Variants in ZNF600 observed in about 807,000 individuals in gnomAD.
ZNF600 encodes zinc finger protein KR-ZNF1.
In ZNF600, 4 loss-of-function variants were observed where a neutral mutation model predicts 7.3. The observed-to-expected ratio is 0.55, with a 90% CI of 0.27 to 1.25. The LOEUF (loss-of-function observed/expected upper bound fraction) is 1.25. Among genes scored for constraint, ZNF600 ranks in the 50% most tolerant of loss-of-function variants. The probability of loss-of-function intolerance (pLI) is 0.12; values close to 1 mark genes in which losing one functional copy is unlikely to be tolerated. For missense variants in ZNF600, 911 were observed against 922.1 expected (o/e 0.99, Z 0.16); for synonymous variants, 290 against 308.9 (o/e 0.94, Z 0.64).
At chr19:52,816,701 G>A in the ZNF600 span, among the ~76,000 whole-genome samples, 14 of 120,724 alleles carry the variant, frequency 1.2e-4, 1 homozygote, top group South Asian at 2.3e-3. Context: ...GGATGGTGGC[G>A]CGCACCTATA....
chr19:52,775,048 T>A (rs957262088), intron 2 of ZNF600, among the ~76,000 whole-genome samples: 6 of 152,122 alleles, frequency 3.9e-5, no homozygotes, highest in African/African-American at 1.4e-4. Flanking sequence ...GAGACCACCC[T>A]GGCCAACATG....
chr19:52,818,436 G>C, the ZNF600 span, among the ~76,000 whole-genome samples: 97 of 152,222 alleles, frequency 6.4e-4, no homozygotes, highest in African/African-American at 2.3e-3. Context: ...AATTGGGCTG[G>C]GCTCAGTGGC....
At chr19:52,775,020 A>G (rs1014278486) in intron 2 of ZNF600, among the ~76,000 whole-genome samples, 6 of 152,150 alleles carry the variant, frequency 3.9e-5, no homozygotes, top group African/African-American at 1.4e-4. Flanking sequence ...CGGGCAGATT[A>G]TTTGATGTCA....
At chr19:52,788,538 G>C (rs2062783403), upstream of ZNF600, among the ~76,000 whole-genome samples, 2 of 152,294 alleles carry the variant, frequency 1.3e-5, no homozygotes, top group South Asian at 4.1e-4. Context: ...GCTGCCCACT[G>C]CACCAGAGAT....
At chr19:52,827,923 CG>C in the ZNF600 span, among the ~76,000 whole-genome samples, 1 of 152,024 alleles carries the variant, frequency 6.6e-6, no homozygotes, top group South Asian at 2.1e-4. Flanking sequence ...TCACGCAGGA[CG>C]CTTCAGACTC....
chr19:52,772,266 C>T (rs566523974), intron 3 of ZNF600, among the ~76,000 whole-genome samples: 1 of 152,006 alleles, frequency 6.6e-6, no homozygotes, highest in Non-Finnish European at 1.5e-5. Flanking sequence ...TGAGATTGAA[C>T]CAATGTACTC....
chr19:52,796,954 C>T, the ZNF600 span, among the ~76,000 whole-genome samples: 1 of 152,166 alleles, frequency 6.6e-6, no homozygotes, highest in Non-Finnish European at 1.5e-5. Context: ...ACAATTTTCT[C>T]ATAACATGTA....
At chr19:52,811,015 G>C in the ZNF600 span, among the ~76,000 whole-genome samples, 104 of 142,314 alleles carry the variant, frequency 7.3e-4, no homozygotes, top group African/African-American at 2.1e-3. Context: ...TCAGCCTGCC[G>C]AGTGCCTGCG....
chr19:52,792,047 C>T, the ZNF600 span, among the ~76,000 whole-genome samples: 50 of 152,312 alleles, frequency 3.3e-4, no homozygotes, highest in East Asian at 9.7e-4. Context: ...CCTGCTAAAG[C>T]GGCACAAAAG....
chr19:52,781,933 T>C (rs912483848), intron 1 of ZNF600, among the ~76,000 whole-genome samples: 2 of 151,956 alleles, frequency 1.3e-5, no homozygotes, highest in African/African-American at 4.8e-5. Flanking sequence ...TAGGGGTGTA[T>C]GCCTGTAATC....
chr19:52,810,214 A>G, the ZNF600 span: 1 of 1,099,514 alleles, frequency 9.1e-7, no homozygotes, highest in South Asian at 1.2e-5. Context: ...GAGCTACAGA[A>G]CGACGTAGAG....
At chr19:52,808,652 A>C in the ZNF600 span, among the ~76,000 whole-genome samples, 1 of 151,720 alleles carries the variant, frequency 6.6e-6, no homozygotes, top group East Asian at 1.9e-4. Flanking sequence ...ATTAAAAAAA[A>C]AAACAAAAAA....
intron 2 of ZNF600, among the ~76,000 whole-genome samples, chr19:52,775,132 C>G (rs1470669948): frequency 6.6e-6 from 1 of 152,060 alleles, no homozygotes; most frequent in Non-Finnish European, 1.5e-5. Flanking sequence ...CCCAGCTACA[C>G]AGGAGGCTGA....
exon 4 of ZNF600, chr19:52,765,652 C>G: frequency 6.2e-7 from 1 of 1,613,980 alleles, no homozygotes; most frequent in Non-Finnish European, 8.5e-7. Context: ...TTGCTAAAGG[C>G]TTTGCCACAC....
At chr19:52,783,674 C>G (rs766263772) in intron 1 of ZNF600, among the ~76,000 whole-genome samples, 12 of 151,968 alleles carry the variant, frequency 7.9e-5, no homozygotes, top group Non-Finnish European at 1.6e-4. Context: ...CTTCGGCATT[C>G]TATACATAGC....
chr19:52,765,926 G>A (rs1292999499), exon 4 of ZNF600: 7 of 1,614,158 alleles, frequency 4.3e-6, no homozygotes, highest in Non-Finnish European at 5.9e-6. Flanking sequence ...CATTACACTT[G>A]TAAGGTTTCT....
At chr19:52,772,791 C>A (rs1362901770) in intron 3 of ZNF600, among the ~76,000 whole-genome samples, 1 of 152,120 alleles carries the variant, frequency 6.6e-6, no homozygotes, top group African/African-American at 2.4e-5. Context: ...ATAGTCAGCC[C>A]AGGCAGGACA....
the ZNF600 span, among the ~76,000 whole-genome samples, chr19:52,812,575 C>G: frequency 0.48 from 55,429 of 115,014 alleles, 15,367 homozygotes; most frequent in Non-Finnish European, 0.64. Flanking sequence ...CAGCATGCTC[C>G]TTAAGAGTCA....
At chr19:52,777,994 C>T (rs1486933781) in intron 2 of ZNF600, among the ~76,000 whole-genome samples, 1 of 151,800 alleles carries the variant, frequency 6.6e-6, no homozygotes, top group Non-Finnish European at 1.5e-5. Context: ...AACTAAGCCA[C>T]AGAGCGACAC....
Sources: allele counts gnomAD v4.1 joint callset (sites outside exome capture counted in the v4.1 genomes callset), GRCh38; gene constraint gnomAD v4.1.1; transcripts MANE v1.5; gene names NCBI Gene and HGNC (gene_info 2026-07-23, HGNC 2026-07-21).